The following ADAM10 variants were observed in gnomAD, a reference collection of about 807,000 sequenced individuals.
ADAM10 encodes the protein ADAM metallopeptidase domain 10, also known as disintegrin and metalloproteinase domain-containing protein 10.
ADAM10 carries 17 observed loss-of-function variants against 90.1 expected under a neutral mutation model. The ratio of observed to expected loss-of-function variants is 0.19; its 90% confidence interval spans 0.13 to 0.28. The LOEUF is 0.28. ADAM10 is among the 10% of genes least tolerant of loss of function. ADAM10 has a pLI of 1.00. For synonymous variants in ADAM10, 310 were observed against 298.6 expected (o/e 1.04, Z -0.40); for missense variants, 610 against 914.3 (o/e 0.67, Z 4.29).
At chr15:58,676,110 T>C (rs560044564) in intron 4 of ADAM10, 5 of 297,806 alleles carry the variant, frequency 1.7e-5, no homozygotes, top group Non-Finnish European at 2.7e-5. Context: ...AAAACAGCAA[T>C]AGATGCAAAT....
At position 58,618,802 on chromosome 15, in the gene ADAM10, G is replaced by A. The variant is rs544582399; in HGVS notation, c.1511+2669C>T. On this transcript the variant is annotated intron_variant, in intron 11 of 15. Coordinates refer to ENST00000260408, the MANE Select transcript of ADAM10 (RefSeq NM_001110.4). ...CAGGGAAACACAAATCAAAGCCACA[G>A]TGAGATACACCCAGTAAAAATGACC... 7.2e-5 allele frequency among the ~76,000 whole-genome samples: 11 copies of A among 152,118 alleles called. No homozygotes were observed. In the East Asian group the frequency reaches 1.9e-3, roughly 27 times the overall value.
rs1204623407 is a variant in ADAM10, at chr15:58,589,975, T to TA, written c.*7571dup. 1 of 151,904 alleles carries TA rather than the reference T, an allele frequency of 6.6e-6. No homozygotes were observed. Among genetic ancestry groups the TA allele is most frequent in the Non-Finnish European group, 1.5e-5 (1 of 67,996 alleles). The allele number at this position is 151,904 out of a possible 1,614,324, so 9.4% of individuals were successfully genotyped here. A position where few individuals can be genotyped will look rare whatever the true frequency, so the allele number is the denominator to read the frequency against. Reference sequence around the variant, plus strand: ...GCAAAGCAAAAAATGAAAAAACATTTAAAAAAATAAAGGAATCTGAATGAC... The same window carrying TA: ...GCAAAGCAAAAAATGAAAAAACATTTAAAAAAAATAAAGGAATCTGAATGAC... On this transcript the variant is annotated 3_prime_UTR_variant, in exon 16 of 16. Coordinates refer to ENST00000260408, the MANE Select transcript of ADAM10 (RefSeq NM_001110.4).
intron 11 of ADAM10, among the ~76,000 whole-genome samples, chr15:58,612,446 C>G (rs1895467102): frequency 6.6e-6 from 1 of 152,176 alleles, no homozygotes; most frequent in East Asian, 1.9e-4. Context: ...TAGACTAGCC[C>G]CCTAGAGTCT....
intron 11 of ADAM10, among the ~76,000 whole-genome samples, chr15:58,613,278 A>G (rs1000694693): frequency 2.6e-5 from 4 of 152,214 alleles, no homozygotes; most frequent in Admixed American, 1.3e-4. Flanking sequence ...CGACCAGCAC[A>G]CTAAGACCTA....
At chr15:58,743,490 T>C (rs1469056037) in intron 1 of ADAM10, among the ~76,000 whole-genome samples, 3 of 152,236 alleles carry the variant, frequency 2.0e-5, no homozygotes, top group Non-Finnish European at 4.4e-5. Flanking sequence ...TTTATACAAA[T>C]GTAAAAATCA....
chr15:58,743,616 T>C (rs530107379), intron 1 of ADAM10, among the ~76,000 whole-genome samples: 3 of 152,268 alleles, frequency 2.0e-5, no homozygotes, highest in South Asian at 4.1e-4. Flanking sequence ...ACTTTTTTTT[T>C]TTTTTGAGAC....
At chr15:58,704,383 A>G (rs1466590341) in intron 2 of ADAM10, among the ~76,000 whole-genome samples, 3 of 152,160 alleles carry the variant, frequency 2.0e-5, no homozygotes, top group Non-Finnish European at 4.4e-5. Context: ...TGACGGTTGC[A>G]CAACGTTGTG....
At chr15:58,613,183 A>T (rs1255391860) in intron 11 of ADAM10, among the ~76,000 whole-genome samples, 1 of 152,214 alleles carries the variant, frequency 6.6e-6, no homozygotes, top group Admixed American at 6.5e-5. Flanking sequence ...GCCTACAGTT[A>T]TTGATGATGT....
chr15:58,693,369 A>G (rs979129334), intron 2 of ADAM10, among the ~76,000 whole-genome samples: 1 of 152,236 alleles, frequency 6.6e-6, no homozygotes, highest in African/African-American at 2.4e-5. Context: ...TGCTTAGCAC[A>G]TGTACCATAA....
intron 1 of ADAM10, among the ~76,000 whole-genome samples, chr15:58,733,600 A>G (rs1899329033): frequency 6.6e-6 from 1 of 152,164 alleles, no homozygotes; most frequent in African/African-American, 2.4e-5. Context: ...CTTTTTATAT[A>G]AGGGACTTGA....
In ADAM10 at chr15:58,692,821, A is replaced by G. The variant is rs777972185; in HGVS notation, c.207-10507T>C. On this transcript the variant is annotated intron_variant, in intron 2 of 15. Coordinates refer to ENST00000260408, the MANE Select transcript of ADAM10 (RefSeq NM_001110.4). ...ATAAAAGCCAACACCAAATTGCCCAATCATGGAGATTTCTGCACAAGACTG... is the reference window on the plus strand; with the variant it reads ...ATAAAAGCCAACACCAAATTGCCCAGTCATGGAGATTTCTGCACAAGACTG... 1.9e-5 allele frequency: 12 copies of G among 645,826 alleles called. No homozygotes were observed. The East Asian group carries it at 4.8e-4, about 26-fold the overall frequency. 40.0% of individuals were successfully genotyped at this position (645,826 alleles called of 1,614,324 possible).
chr15:58,685,835 T>A (rs1478457980), intron 2 of ADAM10, among the ~76,000 whole-genome samples: 2 of 152,006 alleles, frequency 1.3e-5, no homozygotes, highest in Non-Finnish European at 2.9e-5. Flanking sequence ...TAAAATAACA[T>A]CTTAAGACAC....
At chr15:58,659,446 T>G (rs1403453255) in intron 5 of ADAM10, among the ~76,000 whole-genome samples, 1 of 152,132 alleles carries the variant, frequency 6.6e-6, no homozygotes, top group Non-Finnish European at 1.5e-5. Flanking sequence ...TGGCAATGCT[T>G]TTTTACTAGT....
intron 4 of ADAM10, among the ~76,000 whole-genome samples, chr15:58,667,735 A>C (rs1897109820): frequency 6.6e-6 from 1 of 151,916 alleles, no homozygotes; most frequent in South Asian, 2.1e-4. Context: ...GGATTCACTG[A>C]TGGAGAGTAG....
intron 4 of ADAM10, among the ~76,000 whole-genome samples, chr15:58,677,912 T>C (rs533447841): frequency 1.3e-5 from 2 of 152,078 alleles, no homozygotes; most frequent in South Asian, 2.1e-4. Context: ...GAGGTAACCC[T>C]GCAAAAAAAG....
chr15:58,597,742 G>A, intron 15 of ADAM10, 101 bp from the exon 16 acceptor site: 1 of 1,324,442 alleles, frequency 7.6e-7, no homozygotes, highest in Non-Finnish European at 1.0e-6. Context: ...TTAGTTCAGT[G>A]CTGTCCAATA....
At chr15:58,683,755 G>T (rs1897508724) in intron 2 of ADAM10, among the ~76,000 whole-genome samples, 1 of 150,498 alleles carries the variant, frequency 6.6e-6, no homozygotes, top group Admixed American at 6.7e-5. Flanking sequence ...AGCTACTGGG[G>T]AGGCTGAGGT....
rs1395949955 is a variant in ADAM10, at chr15:58,590,037, A to T, written c.*7510T>A. ...ACCTTTCCCCAAAGAAAAATCAGCT[A>T]TCAGTGCCCAGTATATAACCAATCG... On this transcript the variant is annotated 3_prime_UTR_variant, in exon 16 of 16. Coordinates refer to ENST00000260408, the MANE Select transcript of ADAM10 (RefSeq NM_001110.4). The T allele has an allele frequency of 6.6e-6, 1 of 152,236 alleles. No individual in the cohort carries two copies. Among genetic ancestry groups the T allele is most frequent in the Admixed American group, 6.5e-5 (1 of 15,286 alleles). The allele number at this position is 152,236 out of a possible 1,614,324, so 9.4% of individuals were successfully genotyped here.
chr15:58,657,830 C>T (rs1039513729), intron 5 of ADAM10, among the ~76,000 whole-genome samples: 1 of 151,250 alleles, frequency 6.6e-6, no homozygotes, highest in African/African-American at 2.4e-5. Flanking sequence ...CTTATTTGTG[C>T]CTGTCCTTCT....
Sources: gnomAD v4.1 joint callset for allele counts (sites outside exome capture counted in the v4.1 genomes callset) on GRCh38, gnomAD v4.1.1 for gene constraint, MANE v1.5 for transcripts, NCBI Gene and HGNC (gene_info 2026-07-23, HGNC 2026-07-21) for gene names.